CD302: variants seen among roughly 807,000 people sequenced by gnomAD.
CD302 encodes the protein CD302 antigen.
A neutral mutation model predicts 26.5 loss-of-function variants in CD302; 23 were observed. That is an observed-to-expected ratio of 0.87 (90% CI 0.62 to 1.23). The LOEUF (loss-of-function observed/expected upper bound fraction) is 1.23, where lower values mean the gene tolerates loss of function less well. Among genes scored for constraint, CD302 ranks in the 50% most tolerant of loss-of-function variants. The pLI, the probability that CD302 is intolerant of heterozygous loss-of-function variation, is 0.00. For synonymous variants in CD302, 90 were observed against 99.4 expected (o/e 0.91, Z 0.56); for missense variants, 290 against 275.5 (o/e 1.05, Z -0.37).
intron 2 of CD302, among the ~76,000 whole-genome samples, chr2:159,782,585 ATAGC>A (rs1343596757): frequency 2.0e-5 from 3 of 151,724 alleles, no homozygotes; most frequent in Non-Finnish European, 2.9e-5. Flanking sequence ...AACAGATAAA[ATAGC>A]TAGCGCACGC....
At chr2:159,793,519 C>A (rs1379566445) in intron 1 of CD302, among the ~76,000 whole-genome samples, 5 of 152,042 alleles carry the variant, frequency 3.3e-5, no homozygotes. Flanking sequence ...AAGGGAAAGA[C>A]TTCTTTTTCA....
chr2:159,792,023 G>A (rs947244781), intron 1 of CD302, among the ~76,000 whole-genome samples: 6 of 152,210 alleles, frequency 3.9e-5, no homozygotes, highest in African/African-American at 1.2e-4. Context: ...CAGTTTCTCT[G>A]GGTCAGGAAT....
At chr2:159,795,120 G>A (rs1708916263) in intron 1 of CD302, among the ~76,000 whole-genome samples, 1 of 151,822 alleles carries the variant, frequency 6.6e-6, no homozygotes, top group East Asian at 2.0e-4. Flanking sequence ...CTACTCGGGA[G>A]GCTGAGGCAG....
rs560649993 is a variant in CD302 at position 159,771,496 on chromosome 2, T to C, written c.*355A>G. 5.8e-6 allele frequency: 1 copy of C among 171,226 alleles called. No homozygotes were observed. Among genetic ancestry groups the C allele is most frequent in the African/African-American group, 2.4e-5 (1 of 41,940 alleles). 10.6% of individuals were successfully genotyped at this position (171,226 alleles called of 1,614,324 possible). A position where few individuals can be genotyped will look rare whatever the true frequency, so the allele number is the denominator to read the frequency against. On this transcript the variant is annotated 3_prime_UTR_variant, in exon 6 of 6. Transcript: ENST00000259053. Reference sequence around the variant, plus strand: ...TTATTCCCCATTTCATGTTTACTAATAAACATATAAACTAAAGTGGGTCAA... The same window carrying C: ...TTATTCCCCATTTCATGTTTACTAACAAACATATAAACTAAAGTGGGTCAA...
chr2:159,774,320 ATCTGGAAAT>A (rs1708246066), intron 5 of CD302, among the ~76,000 whole-genome samples: 1 of 152,106 alleles, frequency 6.6e-6, no homozygotes, highest in African/African-American at 2.4e-5. Flanking sequence ...CAGTCAACCA[ATCTGGAAAT>A]TTATAGACTT....
intron 5 of CD302, among the ~76,000 whole-genome samples, chr2:159,775,254 A>G (rs564337192): frequency 1.3e-4 from 20 of 152,308 alleles, no homozygotes; most frequent in Non-Finnish European, 2.8e-4. Flanking sequence ...GTGTTTACTC[A>G]CTAAATTACA....
chr2:159,777,714 T>TA (rs1045973570), intron 5 of CD302, among the ~76,000 whole-genome samples: 15 of 152,260 alleles, frequency 9.9e-5, no homozygotes, highest in Non-Finnish European at 2.1e-4. Flanking sequence ...CAGATGAATC[T>TA]AAAAAAATAT....
At chr2:159,776,824 A>G (rs926753675) in intron 5 of CD302, among the ~76,000 whole-genome samples, 5 of 148,940 alleles carry the variant, frequency 3.4e-5, no homozygotes, top group East Asian at 2.0e-4. Flanking sequence ...CCCTGCCTCA[A>G]CCTCCCAAGT....
chr2:159,777,401 T>G (rs1708367231), intron 5 of CD302, among the ~76,000 whole-genome samples: 1 of 152,230 alleles, frequency 6.6e-6, no homozygotes, highest in African/African-American at 2.4e-5. Flanking sequence ...CAAATGGAAC[T>G]TGGACGCACT....
At chr2:159,787,426 T>TA (rs1326894528) in intron 1 of CD302, among the ~76,000 whole-genome samples, 1 of 152,136 alleles carries the variant, frequency 6.6e-6, no homozygotes, top group African/African-American at 2.4e-5. Context: ...TTTTTTGTAT[T>TA]AAACATTTTA....
In CD302 at chr2:159,770,900, C is replaced by CTGTT. The variant is rs2125787236; in HGVS notation, c.*947_*950dup. ...GAAATTTATACATTCTTTATCTTTC[C>CTGTT]TGTTTTTGGTTTATTGATGGTGAGG... On this transcript the variant is annotated 3_prime_UTR_variant, in exon 6 of 6. Transcript: ENST00000259053. 1 of 152,168 alleles carries CTGTT rather than the reference C, an allele frequency of 6.6e-6. No homozygotes were observed. Among genetic ancestry groups the CTGTT allele is most frequent in the South Asian group, 2.1e-4 (1 of 4,830 alleles). The allele number at this position is 152,168 out of a possible 1,614,324, so 9.4% of individuals were successfully genotyped here. A position where few individuals can be genotyped will look rare whatever the true frequency, so the allele number is the denominator to read the frequency against.
chr2:159,774,123 A>G (rs916096155), intron 5 of CD302, among the ~76,000 whole-genome samples: 4 of 151,590 alleles, frequency 2.6e-5, no homozygotes, highest in Admixed American at 2.6e-4. Context: ...TCTCCTACTC[A>G]CTTGGCTTCC....
rs1220115198 is a variant in CD302, at chr2:159,772,030, A to G, written c.520T>C (p.Leu174=). ...AAAATTACCGTGCTAGCAATCACCA[A>G]TGCTGATATTAAAATGTGGTTATCT... ...LSDNHILISA[L]VIASTVILTV... Residue 174 remains leucine, a synonymous_variant, in exon 6 of 6, where the codon TTG becomes CTG. Transcript: ENST00000259053. 6.2e-7 allele frequency: 1 copy of G among 1,613,894 alleles called. No individual in the cohort carries two copies. Among genetic ancestry groups the G allele is most frequent in the Non-Finnish European group, 8.5e-7 (1 of 1,179,908 alleles).
intron 1 of CD302, among the ~76,000 whole-genome samples, 194 bp downstream of exon 1, chr2:159,797,938 C>T (rs1682513306): frequency 6.6e-6 from 1 of 152,216 alleles, no homozygotes; most frequent in Non-Finnish European, 1.5e-5. Context: ...ACCTCCCCTC[C>T]CCGAGGGCAG....
chr2:159,788,023 C>T (rs2125810215), intron 1 of CD302, among the ~76,000 whole-genome samples: 1 of 152,024 alleles, frequency 6.6e-6, no homozygotes, highest in African/African-American at 2.4e-5. Flanking sequence ...AGGAGAATCA[C>T]TTGAACCCAG....
At chr2:159,775,171 T>C (rs1056709053) in intron 5 of CD302, among the ~76,000 whole-genome samples, 2 of 152,234 alleles carry the variant, frequency 1.3e-5, no homozygotes, top group Non-Finnish European at 2.9e-5. Context: ...AATGTATGCT[T>C]GAGAGCAGAG....
At chr2:159,793,082 A>G (rs1708852996) in intron 1 of CD302, among the ~76,000 whole-genome samples, 1 of 152,190 alleles carries the variant, frequency 6.6e-6, no homozygotes, top group South Asian at 2.1e-4. Flanking sequence ...CTTTGCCATA[A>G]TCCTAATATA....
rs1708140932 is a variant in CD302 at position 159,771,376 on chromosome 2, A to G, written c.*475T>C. 6.5e-6 allele frequency: 1 copy of G among 152,894 alleles called. No homozygotes were observed. The highest frequency in any genetic ancestry group is 1.5e-5 in the Non-Finnish European group (1 of 68,542). The allele number at this position is 152,894 out of a possible 1,614,324, so 9.5% of individuals were successfully genotyped here. A position where few individuals can be genotyped will look rare whatever the true frequency, so the allele number is the denominator to read the frequency against. ...AAAAGTTGTAAAATTTTCTTCATCT[A>G]AATCATAAAAAGATACACATTCTAG... On this transcript the variant is annotated 3_prime_UTR_variant, in exon 6 of 6. Coordinates refer to ENST00000259053, the MANE Select transcript of CD302 (RefSeq NM_014880.5).
Position 159,797,222 on chromosome 2 carries a change from T to TGGGG in CD302, c.67+906_67+909dup, listed in dbSNP as rs59874954. On this transcript the variant is annotated intron_variant, in intron 1 of 5. Transcript: ENST00000259053. ...ACGCAGTGAAATCTGGGGCAAGGGG[T>TGGGG]GGGGGGGGGGAATCTCTTGCATTTT... 1.4e-4 allele frequency among the ~76,000 whole-genome samples: 15 copies of TGGGG among 104,552 alleles called. No homozygotes were observed. In the East Asian group the frequency reaches 2.1e-3, roughly 14 times the overall value. 68.6% of individuals were successfully genotyped at this position (104,552 alleles called of 152,430 possible).
Sources: gnomAD v4.1 joint callset for allele counts (sites outside exome capture counted in the v4.1 genomes callset) on GRCh38, gnomAD v4.1.1 for gene constraint, MANE v1.5 for transcripts, NCBI Gene and HGNC (gene_info 2026-07-23, HGNC 2026-07-21) for gene names.